Variants in NCOA3 observed in about 807,000 individuals in gnomAD.
The protein encoded by NCOA3 is nuclear receptor coactivator 3.
In NCOA3, 51 loss-of-function variants were observed where a neutral mutation model predicts 158.8. The observed-to-expected ratio is 0.32, with a 90% CI of 0.26 to 0.41. The LOEUF (loss-of-function observed/expected upper bound fraction) is 0.41. Among genes scored for constraint, NCOA3 ranks in the 10% least tolerant of loss-of-function variants. The pLI is 1.00. For synonymous variants in NCOA3, 537 were observed against 592.4 expected (o/e 0.91, Z 1.36); for missense variants, 1,510 against 1,746.6 (o/e 0.86, Z 2.41).
At chr20:47,590,665 T>A (rs928471320) in intron 2 of NCOA3, among the ~76,000 whole-genome samples, 1 of 152,140 alleles carries the variant, frequency 6.6e-6, no homozygotes. Context: ...AAACATTAAC[T>A]GGGCATTGTG....
intron 1 of NCOA3, among the ~76,000 whole-genome samples, chr20:47,547,639 C>A (rs866246172): frequency 6.6e-6 from 1 of 151,716 alleles, no homozygotes; most frequent in South Asian, 2.1e-4. Flanking sequence ...AGGATAGTCT[C>A]GATCTCCTGA....
chr20:47,578,150 T>G (rs1337900282), intron 1 of NCOA3, among the ~76,000 whole-genome samples: 1 of 151,798 alleles, frequency 6.6e-6, no homozygotes, highest in East Asian at 1.9e-4. Flanking sequence ...GTTAAGTTTA[T>G]ATAGCTCAAA....
chr20:47,648,997 C>A lies in NCOA3; in HGVS notation c.3547-8C>A. ...TGCTTGCATTCTAACCAACTTGTCTCACCTCAGTTTTTGAATCAGAGCCGA... is the reference window on the plus strand; with the variant it reads ...TGCTTGCATTCTAACCAACTTGTCTAACCTCAGTTTTTGAATCAGAGCCGA... On this transcript the variant is annotated splice_polypyrimidine_tract_variant and splice_region_variant and intron_variant, in intron 18 of 22. Transcript: ENST00000371998. 1.9e-6 allele frequency: 3 copies of A among 1,592,470 alleles called. No individual in the cohort carries two copies. Among genetic ancestry groups the A allele is most frequent in the Non-Finnish European group, 2.6e-6 (3 of 1,161,542 alleles).
At chr20:47,516,279 G>A (rs2146068841) in intron 1 of NCOA3, among the ~76,000 whole-genome samples, 1 of 152,266 alleles carries the variant, frequency 6.6e-6, no homozygotes, top group South Asian at 2.1e-4. Flanking sequence ...GTTTGGGCAG[G>A]AGGTATATGG....
chr20:47,597,216 A>C (rs1308706303), intron 2 of NCOA3, among the ~76,000 whole-genome samples: 3 of 152,206 alleles, frequency 2.0e-5, no homozygotes, highest in Non-Finnish European at 4.4e-5. Flanking sequence ...AGAAACCTCC[A>C]ACTGGTCTGC....
rs200632844 is a variant in NCOA3 at position 47,595,673 on chromosome 20, C to CT, written c.-20+12425dup. 4.7e-3 allele frequency among the ~76,000 whole-genome samples: 649 copies of CT among 139,242 alleles called. 20 individuals are homozygous for CT. The East Asian group carries it at 0.081, about 17-fold the overall frequency. 91.3% of individuals were successfully genotyped at this position (139,242 alleles called of 152,430 possible). A position where few individuals can be genotyped will look rare whatever the true frequency, so the allele number is the denominator to read the frequency against. On this transcript the variant is annotated intron_variant, in intron 2 of 22. Coordinates refer to ENST00000371998, the MANE Select transcript of NCOA3 (RefSeq NM_181659.3). ...AAATATTTGATGCCATGACATAAGG[C>CT]TTTTTTTTTTTTTAATTTTTTGGTG...
intron 8 of NCOA3, among the ~76,000 whole-genome samples, 166 bp from the exon 9 acceptor site, chr20:47,633,330 T>A (rs1422329750): frequency 6.6e-6 from 1 of 152,216 alleles, no homozygotes; most frequent in African/African-American, 2.4e-5. Flanking sequence ...TGTGGTGCTA[T>A]GTCTTAAGGA....
chr20:47,622,030 G>A (rs866293727), intron 2 of NCOA3, among the ~76,000 whole-genome samples, 199 bp from the exon 3 acceptor site: 10 of 152,094 alleles, frequency 6.6e-5, no homozygotes, highest in South Asian at 2.1e-4. Context: ...GAGTACATAC[G>A]TTCTGCATAA....
At chr20:47,603,549 A>G (rs1304169724) in intron 2 of NCOA3, among the ~76,000 whole-genome samples, 1 of 152,242 alleles carries the variant, frequency 6.6e-6, no homozygotes, top group Non-Finnish European at 1.5e-5. Flanking sequence ...CTTGGTATTC[A>G]GGTCCTTGTC....
At chr20:47,550,755 A>G (rs1399371882) in intron 1 of NCOA3, among the ~76,000 whole-genome samples, 1 of 152,184 alleles carries the variant, frequency 6.6e-6, no homozygotes, top group African/African-American at 2.4e-5. Context: ...TTATGTCAGC[A>G]CATTTTAATC....
intron 8 of NCOA3, among the ~76,000 whole-genome samples, chr20:47,628,260 A>T (rs1161771886): frequency 2.0e-5 from 3 of 150,686 alleles, no homozygotes; most frequent in Non-Finnish European, 3.0e-5. Context: ...CAGATAAATT[A>T]AAAAAAAAAT....
intron 4 of NCOA3, 100 bp from the exon 5 acceptor site, chr20:47,625,281 G>A: frequency 2.7e-6 from 2 of 729,460 alleles, no homozygotes; most frequent in South Asian, 3.2e-5. Flanking sequence ...GTATGGGCAT[G>A]TGCATGTGTA....
chr20:47,647,914 G>GTTTTTTTTT (rs1445300112), intron 18 of NCOA3, among the ~76,000 whole-genome samples: 8 of 126,052 alleles, frequency 6.3e-5, no homozygotes, highest in Non-Finnish European at 1.0e-4. Flanking sequence ...TGTTTGTTTT[G>GTTTTTTTTT]TTTTGTTTTT....
Position 47,639,959 on chromosome 20 carries a change from T to G in NCOA3, c.2988T>G (p.Asn996Lys), listed in dbSNP as rs751488699. The change falls in exon 16 of 23, where the codon AAT (asparagine) becomes AAG (lysine). Residue 996 changes from asparagine (N) to lysine (K), a missense_variant. Asn to Lys is a moderately conservative substitution (Grantham distance 94). Coordinates refer to ENST00000371998, the MANE Select transcript of NCOA3 (RefSeq NM_181659.3). The stretch of plus-strand genomic sequence containing the variant: ...AAATCCCCATGGGAATGGGGGCTAA[T>G]CCCTATGGCCAAGCAGCAGCATCTA... ...PGEIPMGMGANPYGQAAASNQ... is the reference protein window; with the variant it reads ...PGEIPMGMGAKPYGQAAASNQ... 2 of 1,614,186 alleles carry G rather than the reference T, an allele frequency of 1.2e-6. No individual in the cohort carries two copies. Among genetic ancestry groups the G allele is most frequent in the Non-Finnish European group, 8.5e-7 (1 of 1,180,042 alleles).
chr20:47,650,860 T>TA (rs202165867), intron 19 of NCOA3, 122 bp from the exon 20 acceptor site: 30,041 of 866,614 alleles, frequency 0.035, 198 homozygotes, highest in Middle Eastern at 0.05. Flanking sequence ...GAGACCCTGT[T>TA]AAAAAAAAGA....
chr20:47,547,923 G>C (rs1430422482), intron 1 of NCOA3, among the ~76,000 whole-genome samples: 2 of 150,936 alleles, frequency 1.3e-5, no homozygotes, highest in East Asian at 3.9e-4. Context: ...ATAAAGATGG[G>C]GTTTACCAAG....
chr20:47,637,319 T>G (rs1423878917), intron 12 of NCOA3, among the ~76,000 whole-genome samples: 1 of 152,154 alleles, frequency 6.6e-6, no homozygotes, highest in Non-Finnish European at 1.5e-5. Context: ...TTTCAGAAGG[T>G]TTGTGTAGAT....
At chr20:47,581,760 A>G (rs1369926856) in intron 1 of NCOA3, among the ~76,000 whole-genome samples, 3 of 152,238 alleles carry the variant, frequency 2.0e-5, no homozygotes, top group Non-Finnish European at 4.4e-5. Flanking sequence ...CAGAACCTGC[A>G]CGCCATTTCT....
At chr20:47,503,972 T>C (rs919723495) in intron 1 of NCOA3, among the ~76,000 whole-genome samples, 1 of 152,182 alleles carries the variant, frequency 6.6e-6, no homozygotes, top group Admixed American at 6.6e-5. Flanking sequence ...GCTTTTGGCA[T>C]ATAGAAGATG....
Sources: allele counts gnomAD v4.1 joint callset (sites outside exome capture counted in the v4.1 genomes callset), GRCh38; gene constraint gnomAD v4.1.1; transcripts MANE v1.5; gene names NCBI Gene and HGNC (gene_info 2026-07-23, HGNC 2026-07-21).